Variants in SGCZ observed in about 807,000 individuals in gnomAD.
SGCZ encodes sarcoglycan zeta.
SGCZ carries 40 observed loss-of-function variants against 41.3 expected under a neutral mutation model. That is an observed-to-expected ratio of 0.97 (90% CI 0.75 to 1.26). The LOEUF (loss-of-function observed/expected upper bound fraction) is 1.26. Ranked by LOEUF, SGCZ falls within the 50% of genes most tolerant of loss-of-function variation. The pLI is 0.00. For synonymous variants in SGCZ, 206 were observed against 137.5 expected, an observed-to-expected ratio of 1.50 and a Z score of -3.49; for missense variants, 552 against 369.8, an observed-to-expected ratio of 1.49 and a Z score of -4.04.
At chr8:14,779,826 T>C (rs1405392043) in intron 1 of SGCZ, among the ~76,000 whole-genome samples, 2 of 152,176 alleles carry the variant, frequency 1.3e-5, no homozygotes, top group African/African-American at 4.8e-5. Context: ...TGAGCCATGT[T>C]TATAGGTGAT....
rs1322125944 is a variant in SGCZ, at chr8:14,228,431, A to G, written c.424+9161T>C. ...TTTATCCTTTAACTGGCTCTGTAAT[A>G]TATCATTTCTATTTTATCACAATTA... is the stretch of plus-strand genomic sequence containing the variant. On this transcript the variant is annotated intron_variant, in intron 4 of 7. Transcript: ENST00000382080. Among the ~76,000 whole-genome samples the G allele has an allele frequency of 2.6e-5, 4 of 152,064 alleles. 1 individual carries two copies. The East Asian group carries it at 5.8e-4, about 22-fold the overall frequency.
chr8:15,228,846 T>C (rs189340403), intron 1 of SGCZ, among the ~76,000 whole-genome samples: 8 of 152,336 alleles, frequency 5.3e-5, no homozygotes, highest in Admixed American at 5.2e-4. Flanking sequence ...AAACAAAAAC[T>C]GGATACTCAC....
At chr8:14,114,991 AACGACATTTTT>A (rs1439130265) in intron 5 of SGCZ, among the ~76,000 whole-genome samples, 1 of 152,018 alleles carries the variant, frequency 6.6e-6, no homozygotes, top group Non-Finnish European at 1.5e-5. Context: ...GTTTGATGGA[AACGACATTTTT>A]AAAAATTGTA....
intron 1 of SGCZ, among the ~76,000 whole-genome samples, chr8:14,722,258 C>G (rs1465736657): frequency 6.6e-6 from 1 of 152,060 alleles, no homozygotes; most frequent in African/African-American, 2.4e-5. Context: ...AATCTAGCAT[C>G]TATAACATAA....
intron 1 of SGCZ, among the ~76,000 whole-genome samples, chr8:14,855,726 C>G (rs1281023204): frequency 6.6e-6 from 1 of 152,174 alleles, no homozygotes; most frequent in Non-Finnish European, 1.5e-5. Context: ...CAGAAATACT[C>G]TCCCTTCAGT....
At chr8:15,148,268 A>C (rs1007592868) in intron 1 of SGCZ, among the ~76,000 whole-genome samples, 5 of 152,198 alleles carry the variant, frequency 3.3e-5, no homozygotes, top group Admixed American at 2.0e-4. Flanking sequence ...GGGAAATAGT[A>C]GTTGGGATAA....
intron 7 of SGCZ, among the ~76,000 whole-genome samples, chr8:14,092,663 C>T (rs1841912): frequency 6.6e-6 from 1 of 151,712 alleles, no homozygotes; most frequent in Non-Finnish European, 1.5e-5. Flanking sequence ...AAGGGGGAAA[C>T]CCCTTTCACT....
intron 4 of SGCZ, among the ~76,000 whole-genome samples, chr8:14,184,741 G>C (rs1212897232): frequency 6.6e-6 from 1 of 152,158 alleles, no homozygotes; most frequent in Non-Finnish European, 1.5e-5. Context: ...AAGAAGAGAA[G>C]TACCTTAAAC....
In SGCZ at chr8:14,648,864, G is replaced by C. The variant is rs56686309; in HGVS notation, c.40-93938C>G. ...GACACTTTCATCAGGGTCAAGTTTG[G>C]TGTTTTACTGCTGGCATATATTCTC... On this transcript the variant is annotated intron_variant, in intron 1 of 7. Transcript: ENST00000382080. 4.5e-3 allele frequency among the ~76,000 whole-genome samples: 677 copies of C among 152,124 alleles called. 8 individuals carry two copies. The highest frequency in any genetic ancestry group is 0.014 in the African/African-American group (568 of 41,524).
chr8:15,057,801 GT>G, intron 1 of SGCZ, among the ~76,000 whole-genome samples: 1 of 152,196 alleles, frequency 6.6e-6, no homozygotes, highest in Non-Finnish European at 1.5e-5. Flanking sequence ...GATTACAAAT[GT>G]CCTTTCCAGC....
chr8:14,732,920 A>G (rs1244406875), intron 1 of SGCZ, among the ~76,000 whole-genome samples: 3 of 91,318 alleles, frequency 3.3e-5, no homozygotes, highest in African/African-American at 1.1e-4. Flanking sequence ...ACACATTTTC[A>G]AAGTATTACC....
intron 2 of SGCZ, among the ~76,000 whole-genome samples, chr8:14,539,175 T>C (rs1021458817): frequency 6.6e-6 from 1 of 152,020 alleles, no homozygotes; most frequent in Admixed American, 6.6e-5. Context: ...ATCTTCGGAC[T>C]GGAACTAAAG....
chr8:14,263,612 A>C (rs150631159), intron 3 of SGCZ, among the ~76,000 whole-genome samples: 2 of 152,278 alleles, frequency 1.3e-5, no homozygotes, highest in African/African-American at 4.8e-5. Context: ...TCAGCAAAGA[A>C]GAGGCAGAGC....
At chr8:14,209,125 C>A (rs577177366) in intron 4 of SGCZ, among the ~76,000 whole-genome samples, 3 of 152,304 alleles carry the variant, frequency 2.0e-5, no homozygotes, top group African/African-American at 7.2e-5. Context: ...CGGCGCCAGC[C>A]ACGTGGAAAG....
intron 1 of SGCZ, among the ~76,000 whole-genome samples, chr8:15,202,952 A>G (rs1273916666): frequency 6.6e-6 from 1 of 152,006 alleles, no homozygotes; most frequent in Non-Finnish European, 1.5e-5. Context: ...CTCTACAAAA[A>G]TCCAAAAATT....
chr8:14,527,699 T>A (rs551074210), intron 2 of SGCZ, among the ~76,000 whole-genome samples: 2 of 152,222 alleles, frequency 1.3e-5, no homozygotes, highest in South Asian at 4.1e-4. Context: ...TCCTCCATCA[T>A]GCTAGTAACA....
At position 14,486,886 on chromosome 8, in the gene SGCZ, A is replaced by G. The variant is rs189910940; in HGVS notation, c.234+67846T>C. Reference sequence around the variant, plus strand: ...ATCATGTAAAGCCAACAGTATTAGCATACATCTCTCATGGAATCTAACAGA... The same window carrying G: ...ATCATGTAAAGCCAACAGTATTAGCGTACATCTCTCATGGAATCTAACAGA... On this transcript the variant is annotated intron_variant, in intron 2 of 7. Transcript: ENST00000382080. Among the ~76,000 whole-genome samples, 14 of 152,356 alleles carry G rather than the reference A, an allele frequency of 9.2e-5. No individual in the cohort carries two copies. The East Asian group carries it at 2.5e-3, about 27-fold the overall frequency.
chr8:14,697,891 C>T (rs908425248), intron 1 of SGCZ, among the ~76,000 whole-genome samples: 10 of 151,936 alleles, frequency 6.6e-5, no homozygotes, highest in African/African-American at 2.4e-4. Flanking sequence ...CTTTCTGTTT[C>T]CCTCTATTGT....
At chr8:14,833,834 T>C (rs1042828132) in intron 1 of SGCZ, among the ~76,000 whole-genome samples, 5 of 150,274 alleles carry the variant, frequency 3.3e-5, no homozygotes, top group Non-Finnish European at 5.9e-5. Context: ...AAAAAAAAAA[T>C]GTGTTAAATT....
Sources: gnomAD v4.1 joint callset for allele counts (sites outside exome capture counted in the v4.1 genomes callset) on GRCh38, gnomAD v4.1.1 for gene constraint, MANE v1.5 for transcripts, NCBI Gene and HGNC (gene_info 2026-07-23, HGNC 2026-07-21) for gene names.